Variants in DOCK6 observed in about 807,000 individuals in gnomAD.
DOCK6 encodes the protein dedicator of cytokinesis 6.
A neutral mutation model predicts 230.3 loss-of-function variants in DOCK6; 167 were observed. That is an observed-to-expected ratio of 0.73 (90% CI 0.64 to 0.82). The LOEUF (loss-of-function observed/expected upper bound fraction) is 0.82. DOCK6 is among the 40% of genes least tolerant of loss of function. The probability of loss-of-function intolerance (pLI) is 0.00; values close to 1 mark genes in which losing one functional copy is unlikely to be tolerated. For synonymous variants in DOCK6, 1,148 were observed against 1,185.0 expected, an observed-to-expected ratio of 0.97 and a Z score of 0.64; for missense variants, 2,598 against 2,825.8, an observed-to-expected ratio of 0.92 and a Z score of 1.83.
intron 1 of DOCK6, among the ~76,000 whole-genome samples, chr19:11,259,276 T>G (rs2080245196): frequency 6.6e-6 from 1 of 151,954 alleles, no homozygotes; most frequent in South Asian, 2.1e-4. Flanking sequence ...GGTCTTGAAC[T>G]CCTGGCCTCC....
chr19:11,240,254 C>A (rs75726972), intron 14 of DOCK6: 17 of 1,584,004 alleles, frequency 1.1e-5, no homozygotes, highest in African/African-American at 2.7e-5. Flanking sequence ...AGCTGAGGAG[C>A]GCCTGGCTGG....
intron 1 of DOCK6, among the ~76,000 whole-genome samples, chr19:11,262,086 C>G (rs1303982797): frequency 6.6e-6 from 1 of 152,072 alleles, no homozygotes; most frequent in Non-Finnish European, 1.5e-5. Flanking sequence ...AGGGGGCGCC[C>G]GTCATCCGCA....
chr19:11,262,175 G>T (rs1242670332), intron 1 of DOCK6, among the ~76,000 whole-genome samples: 1 of 152,110 alleles, frequency 6.6e-6, no homozygotes, highest in South Asian at 2.1e-4. Context: ...CCGCCATCGC[G>T]CTCCCAGCCC....
chr19:11,241,762 G>T (rs2079949148), intron 14 of DOCK6: 5 of 1,548,376 alleles, frequency 3.2e-6, no homozygotes, highest in Admixed American at 2.0e-5. Context: ...CCTGTGCAGG[G>T]AGGAGCTGCC....
At chr19:11,247,642 G>A (rs916854868) in intron 7 of DOCK6, 1 of 158,910 alleles carries the variant, frequency 6.3e-6, no homozygotes, top group African/African-American at 2.4e-5. Flanking sequence ...GGGCGGCTGA[G>A]AGCCAGGCCC....
chr19:11,215,918 C>T lies in DOCK6; in HGVS notation c.3904G>A (p.Ala1302Thr), dbSNP rs747116696. ...LAAFEYKGKKAFERINSLTFK... is the reference protein window; with the variant it reads ...LAAFEYKGKKTFERINSLTFK... Reference sequence around the variant, plus strand: ...GTGAGGCTGTTGATGCGTTCAAAGGCCTTTTTCCCCTGGGGGTGCAGAGAA... The same window carrying T: ...GTGAGGCTGTTGATGCGTTCAAAGGTCTTTTTCCCCTGGGGGTGCAGAGAA... Residue 1302 changes from alanine (A) to threonine (T), a missense_variant, in exon 31 of 48, where the codon GCC becomes ACC. Physicochemically the swap from Ala to Thr is moderately conservative, Grantham distance 58. Transcript: ENST00000294618. 2.2e-5 allele frequency: 36 copies of T among 1,613,690 alleles called. No individual in the cohort carries two copies. In the East Asian group the frequency reaches 7.6e-4, roughly 34 times the overall value.
intron 1 of DOCK6, among the ~76,000 whole-genome samples, chr19:11,256,537 C>T (rs1035916336): frequency 8.5e-5 from 13 of 152,194 alleles, no homozygotes; most frequent in Non-Finnish European, 1.9e-4. Context: ...CCACTGACCA[C>T]CTTCTTGAGC....
In DOCK6 at chr19:11,236,432, G is replaced by A; in HGVS notation, c.2306C>T (p.Pro769Leu). Residue 769 changes from proline to leucine, a missense_variant, in exon 20 of 48, where the codon CCC (proline) becomes CTC (leucine). Transcript: ENST00000294618. The surrounding 1 kb of genome is among the most constrained non-coding windows in gnomAD (Gnocchi z 5.2). ...ASLAALRLAS[P>L]EPLVAFSHHV... ...GTGGGAGAAGGCCACAAGGGGTTCGGGGCTGGCCAGGCGCAGTGCTGCAAG... is the reference window on the plus strand; with the variant it reads ...GTGGGAGAAGGCCACAAGGGGTTCGAGGCTGGCCAGGCGCAGTGCTGCAAG... 1 of 1,589,330 alleles carries A rather than the reference G, an allele frequency of 6.3e-7. No homozygotes were observed. Among genetic ancestry groups the A allele is most frequent in the Non-Finnish European group, 8.6e-7 (1 of 1,168,606 alleles).
At chr19:11,237,986 A>G in intron 16 of DOCK6, 59 bp downstream of exon 16, 1 of 1,582,806 alleles carries the variant, frequency 6.3e-7, no homozygotes, top group Non-Finnish European at 8.6e-7. Context: ...TGTATATATA[A>G]GGGACATCCT....
rs569208992 is a variant in DOCK6 at position 11,208,558 on chromosome 19, C to T, written c.5088+128G>A. ...CCTCCCAAAGTGCTGGGGTTACAGGCGTGAGCCACCGCGCCCAGCCTATTC... is the reference window on the plus strand; with the variant it reads ...CCTCCCAAAGTGCTGGGGTTACAGGTGTGAGCCACCGCGCCCAGCCTATTC... On this transcript the variant is annotated intron_variant, in intron 39 of 47. Coordinates refer to ENST00000294618, the MANE Select transcript of DOCK6 (RefSeq NM_020812.4). The T allele has an allele frequency of 4.0e-4, 546 of 1,352,390 alleles. 2 individuals carry two copies. The highest frequency in any genetic ancestry group is 3.2e-3 in the African/African-American group (219 of 68,742). 83.8% of individuals were successfully genotyped at this position (1,352,390 alleles called of 1,614,324 possible).
At position 11,221,446 on chromosome 19, in the gene DOCK6, C is replaced by T. The variant is rs2079577394; in HGVS notation, c.3550+405G>A. ...CTTCCAACCACTGTTATACCACCCC[C>T]CTCAACAATGCCTATAAATGTTTGT... On this transcript the variant is annotated intron_variant, in intron 28 of 47. Transcript: ENST00000294618. The T allele has an allele frequency of 1.7e-5, 3 of 176,808 alleles. No individual in the cohort carries two copies. In the South Asian group the frequency reaches 4.3e-4, roughly 25 times the overall value. 11.0% of individuals were successfully genotyped at this position (176,808 alleles called of 1,614,324 possible).
chr19:11,250,299 C>T (rs1300501720), intron 6 of DOCK6, among the ~76,000 whole-genome samples: 1 of 150,002 alleles, frequency 6.7e-6, no homozygotes, highest in East Asian at 2.0e-4. Context: ...GTGTGAGCCA[C>T]CACGCCCAGC....
At chr19:11,256,125 A>C (rs542722698) in intron 1 of DOCK6, among the ~76,000 whole-genome samples, 14 of 152,190 alleles carry the variant, frequency 9.2e-5, no homozygotes, top group African/African-American at 3.4e-4. Flanking sequence ...TCTTGCTTCT[A>C]CTGACTGGGG....
intron 14 of DOCK6, among the ~76,000 whole-genome samples, chr19:11,241,090 C>T (rs1273186529): frequency 2.6e-5 from 4 of 151,798 alleles, no homozygotes; most frequent in Admixed American, 1.3e-4. Flanking sequence ...ACTAAAAATA[C>T]AAAAAATTAG....
At chr19:11,261,296 T>A (rs1020938118) in intron 1 of DOCK6, among the ~76,000 whole-genome samples, 1 of 152,080 alleles carries the variant, frequency 6.6e-6, no homozygotes, top group Admixed American at 6.6e-5. Context: ...CAAAGGCACC[T>A]GCTCATCCAG....
chr19:11,215,011 C>T (rs1195858674), intron 32 of DOCK6, among the ~76,000 whole-genome samples: 3 of 150,520 alleles, frequency 2.0e-5, no homozygotes, highest in African/African-American at 7.4e-5. Flanking sequence ...GGCGCGATCT[C>T]GGCTCACTGT....
At chr19:11,225,868 TAAAAAAA>T (rs745740690) in intron 24 of DOCK6, among the ~76,000 whole-genome samples, 9 of 71,004 alleles carry the variant, frequency 1.3e-4, no homozygotes, top group Non-Finnish European at 1.9e-4. Flanking sequence ...CTGACTCTAC[TAAAAAAA>T]AAAAAAAAAA....
At chr19:11,239,839 G>C (rs1029130397) in intron 14 of DOCK6, 7 of 1,601,568 alleles carry the variant, frequency 4.4e-6, no homozygotes, top group Non-Finnish European at 6.0e-6. Flanking sequence ...GAACAGCCTG[G>C]GTCTCTATGG....
chr19:11,253,776 G>T (rs925483012), intron 1 of DOCK6, 50 bp from the exon 2 acceptor site: 13 of 1,246,688 alleles, frequency 1.0e-5, no homozygotes, highest in Non-Finnish European at 1.4e-5. Flanking sequence ...TCAGGCAGCG[G>T]AGCGGACAGA....
Sources: allele counts gnomAD v4.1 joint callset (sites outside exome capture counted in the v4.1 genomes callset), GRCh38; gene constraint gnomAD v4.1.1; non-coding constraint Gnocchi (gnomAD v3.1); transcripts MANE v1.5; gene names NCBI Gene and HGNC (gene_info 2026-07-23, HGNC 2026-07-21).